Variants in TAF1A observed in about 807,000 individuals in gnomAD.
The protein encoded by TAF1A is TATA box-binding protein-associated factor RNA polymerase I subunit A.
TAF1A carries 42 observed loss-of-function variants against 61.6 expected under a neutral mutation model. That is an observed-to-expected ratio of 0.68 (90% CI 0.53 to 0.88). The LOEUF (loss-of-function observed/expected upper bound fraction) is 0.88, where lower values mean the gene tolerates loss of function less well. Ranked by LOEUF, TAF1A falls within the 40% of genes least tolerant of loss-of-function variation. TAF1A has a pLI of 0.00. For missense variants in TAF1A, 424 were observed against 518.7 expected, an observed-to-expected ratio of 0.82 and a Z score of 1.77; for synonymous variants, 179 against 177.7, an observed-to-expected ratio of 1.01 and a Z score of -0.06.
intron 6 of TAF1A, among the ~76,000 whole-genome samples, chr1:222,570,271 G>C (rs1244743331): frequency 6.6e-6 from 1 of 151,862 alleles, no homozygotes; most frequent in Non-Finnish European, 1.5e-5. Flanking sequence ...GTATCTTACT[G>C]CATTTCTTTT....
chr1:222,556,393 G>C (rs1659726275), downstream of TAF1A, among the ~76,000 whole-genome samples: 1 of 152,118 alleles, frequency 6.6e-6, no homozygotes, highest in South Asian at 2.1e-4. Flanking sequence ...TGACTGCACT[G>C]GGAGGCCATA....
chr1:222,556,259 T>C (rs1239610410), downstream of TAF1A, among the ~76,000 whole-genome samples: 1 of 152,222 alleles, frequency 6.6e-6, no homozygotes, highest in Non-Finnish European at 1.5e-5. Context: ...GAGAGTTGCA[T>C]GTCGTCACAG....
chr1:222,585,012 AT>A (rs1188481902), intron 2 of TAF1A, among the ~76,000 whole-genome samples: 1 of 152,156 alleles, frequency 6.6e-6, no homozygotes, highest in Non-Finnish European at 1.5e-5. Flanking sequence ...CAGATATTTG[AT>A]TTCCTTACAT....
At chr1:222,571,138 T>C (rs938479273) in intron 5 of TAF1A, among the ~76,000 whole-genome samples, 1 of 152,122 alleles carries the variant, frequency 6.6e-6, no homozygotes, top group African/African-American at 2.4e-5. Context: ...CAAAACCTCA[T>C]GATCATCACA....
At chr1:222,575,715 CT>C (rs1316132788) in intron 5 of TAF1A, among the ~76,000 whole-genome samples, 11 of 152,262 alleles carry the variant, frequency 7.2e-5, no homozygotes, top group Middle Eastern at 3.4e-3. Flanking sequence ...CTAGTCCTAA[CT>C]TTTTTTCTCG....
chr1:222,583,208 G>C (rs1425638740), intron 3 of TAF1A, among the ~76,000 whole-genome samples: 1 of 152,038 alleles, frequency 6.6e-6, no homozygotes, highest in Non-Finnish European at 1.5e-5. Context: ...AAAAGAAAAA[G>C]AAAGTAATAG....
intron 5 of TAF1A, among the ~76,000 whole-genome samples, chr1:222,572,797 G>T (rs1183566837): frequency 6.6e-6 from 1 of 152,060 alleles, no homozygotes; most frequent in Non-Finnish European, 1.5e-5. Context: ...TAACTCAAAG[G>T]CCAAAATATA....
intron 7 of TAF1A, 94 bp from the exon 8 acceptor site, chr1:222,564,219 T>C: frequency 3.0e-6 from 2 of 669,486 alleles, no homozygotes; most frequent in Non-Finnish European, 5.0e-6. Context: ...TACTGTCTAA[T>C]ATGCTCCCTT....
At chr1:222,579,730 G>T in intron 4 of TAF1A, 29 bp downstream of exon 4, 1 of 1,585,072 alleles carries the variant, frequency 6.3e-7, no homozygotes, top group Admixed American at 2.0e-5. Context: ...AATACTGCAA[G>T]TGTAAATTCA....
At chr1:222,561,308 A>G (rs966744027) in intron 10 of TAF1A, 56 bp downstream of exon 10, 94 of 1,544,462 alleles carry the variant, frequency 6.1e-5, no homozygotes, top group Non-Finnish European at 7.4e-5. Context: ...GCCATACTTC[A>G]TAATTTCAAA....
intron 5 of TAF1A, among the ~76,000 whole-genome samples, chr1:222,576,431 T>C (rs1660574572): frequency 1.3e-5 from 2 of 152,108 alleles, no homozygotes. Context: ...GACTAAGATA[T>C]GGAGGAGGAT....
intron 2 of TAF1A, among the ~76,000 whole-genome samples, chr1:222,584,659 G>C (rs1660941107): frequency 6.6e-6 from 1 of 152,084 alleles, no homozygotes; most frequent in African/African-American, 2.4e-5. Context: ...GGTCATTCTA[G>C]GCAAACATGG....
At chr1:222,563,620 C>T (rs1004723251) in intron 8 of TAF1A, among the ~76,000 whole-genome samples, 1 of 152,184 alleles carries the variant, frequency 6.6e-6, no homozygotes, top group Non-Finnish European at 1.5e-5. Context: ...CTTTCATATT[C>T]AGAGAGGAAC....
intron 3 of TAF1A, among the ~76,000 whole-genome samples, chr1:222,580,215 A>G (rs897498200): frequency 6.6e-6 from 1 of 152,202 alleles, no homozygotes; most frequent in African/African-American, 2.4e-5. Context: ...TTTGGGTTCT[A>G]ATAATATTGG....
In TAF1A at chr1:222,563,291, CTTT is replaced by C. The variant is rs1278823146; in HGVS notation, c.964_966del (p.Lys322del). The C allele has an allele frequency of 6.2e-7, 1 of 1,611,986 alleles. No individual in the cohort carries two copies. Among genetic ancestry groups the C allele is most frequent in the Non-Finnish European group, 8.5e-7 (1 of 1,179,272 alleles). ...TCCAACCCCAGTTTACGGTGTTCTT[CTTT>C]TTCTGCAATGGTTTTAACAGTTCAA... is the stretch of plus-strand genomic sequence containing the variant. On this transcript the variant is annotated inframe_deletion and splice_region_variant, in exon 9 of 11. Transcript: ENST00000352967.
intron 10 of TAF1A, among the ~76,000 whole-genome samples, chr1:222,560,829 A>G (rs1405284000): frequency 6.6e-6 from 1 of 152,196 alleles, no homozygotes; most frequent in Non-Finnish European, 1.5e-5. Context: ...TCAGTGGCAG[A>G]AAGCAGGTAA....
intron 4 of TAF1A, among the ~76,000 whole-genome samples, chr1:222,579,076 T>C (rs1196330501): frequency 1.3e-5 from 2 of 152,206 alleles, no homozygotes; most frequent in African/African-American, 2.4e-5. Flanking sequence ...CCATTTCCAA[T>C]TGTTTAGTTA....
chr1:222,558,796 A>C, intron 10 of TAF1A, 24 bp from the exon 11 acceptor site: 1 of 1,279,532 alleles, frequency 7.8e-7, no homozygotes, highest in East Asian at 2.4e-5. Flanking sequence ...CAAAATAAAA[A>C]GTTTTAATAC....
chr1:222,577,645 T>C lies in TAF1A; in HGVS notation c.406-2A>G. The C allele has an allele frequency of 6.2e-7, 1 of 1,613,350 alleles. No individual in the cohort carries two copies. Among genetic ancestry groups the C allele is most frequent in the Non-Finnish European group, 8.5e-7 (1 of 1,179,540 alleles). On this transcript the variant is annotated splice_acceptor_variant, in intron 4 of 10. Coordinates refer to ENST00000352967, the MANE Select transcript of TAF1A (RefSeq NM_005681.4). LOFTEE classifies it high-confidence loss of function. ...GTATAATGCATGTTGTAAGGAGATC[T>C]GCAAAAATAATAAGGGTACACCGCC...
Sources: allele counts gnomAD v4.1 joint callset (sites outside exome capture counted in the v4.1 genomes callset), GRCh38; gene constraint gnomAD v4.1.1; transcripts MANE v1.5; gene names NCBI Gene and HGNC (gene_info 2026-07-23, HGNC 2026-07-21).